The following LTBP4 variants were observed in gnomAD, a reference collection of about 807,000 sequenced individuals.
LTBP4 encodes the protein latent-transforming growth factor beta-binding protein 4.
Under a neutral mutation model 180.2 loss-of-function variants are expected in LTBP4, and 93 were observed. That is an observed-to-expected ratio of 0.52 (90% CI 0.44 to 0.61). The LOEUF (loss-of-function observed/expected upper bound fraction) is 0.61, where lower values mean the gene tolerates loss of function less well. Among genes scored for constraint, LTBP4 ranks in the 20% least tolerant of loss-of-function variants. The probability of loss-of-function intolerance (pLI) is 0.00; values close to 1 mark genes in which losing one functional copy is unlikely to be tolerated. For synonymous variants in LTBP4, 947 were observed against 934.5 expected (o/e 1.01, Z -0.24); for missense variants, 2,116 against 2,256.5 (o/e 0.94, Z 1.26).
chr19:40,599,328 CCCT>C, upstream of LTBP4: 1 of 1,610,712 alleles, frequency 6.2e-7, no homozygotes, highest in South Asian at 1.1e-5. Flanking sequence ...AGCTCCCCAT[CCCT>C]CCCCTCATCC....
chr19:40,614,041 G>C lies in LTBP4; in HGVS notation c.2680+3G>C. The C allele has an allele frequency of 1.2e-6, 2 of 1,611,774 alleles. No individual in the cohort carries two copies. Among genetic ancestry groups the C allele is most frequent in the Non-Finnish European group, 8.5e-7 (1 of 1,179,606 alleles). On this transcript the variant is annotated splice_donor_region_variant and intron_variant, in intron 18 of 29. Transcript: ENST00000396819. ...CCCGGACCTCGCCTCCTGCCTCGGT[G>C]AGAGGCCCCGCCCCGGCCTGATCCC...
At chr19:40,608,902 CAAAAAA>C (rs538438732) in intron 9 of LTBP4, 5 of 82,726 alleles carry the variant, frequency 6.0e-5, no homozygotes, top group East Asian at 3.3e-4. Context: ...CACTCCATCT[CAAAAAA>C]AAAAAAAAAA....
At chr19:40,600,432 C>T (rs2081415952), upstream of LTBP4, among the ~76,000 whole-genome samples, 1 of 152,174 alleles carries the variant, frequency 6.6e-6, no homozygotes, top group Non-Finnish European at 1.5e-5. The surrounding 1 kb of genome is among the most constrained non-coding windows in gnomAD (Gnocchi z 4.4). Context: ...TCCCCGCGGC[C>T]GAAGAGGGAG....
chr19:40,604,778 G>GGCTGCAGAGCCATAATCACGCT (rs2081446726), intron 1 of LTBP4, among the ~76,000 whole-genome samples: 1 of 152,178 alleles, frequency 6.6e-6, no homozygotes, highest in Non-Finnish European at 1.5e-5. Flanking sequence ...AGGAGGTCGA[G>GGCTGCAGAGCCATAATCACGCT]GCTGCAGAGC....
intron 26 of LTBP4, among the ~76,000 whole-genome samples, chr19:40,625,255 TATATATATATA>T (rs2081616593): frequency 1.0e-3 from 2 of 1,912 alleles, no homozygotes; most frequent in South Asian, 0.022. Context: ...TTTGTATTTA[TATATATATATA>T]TATATATATA....
Position 40,605,425 on chromosome 19 carries a change from G to C in LTBP4, c.463G>C (p.Val155Leu). ...CCTAGGCGTGGCATCTATGGTGAGC[G>C]TCCACGTGGAGCACCCGCAGGAGGC... ...DEHGVASMVS[V>L]HVEHPQEASV... The change falls in exon 3 of 30, where the codon GTC (valine) becomes CTC (leucine). Residue 155 changes from valine to leucine, a missense_variant. Physicochemically the swap from Val to Leu is conservative, Grantham distance 32. Around this residue, in one of 5 missense-constraint regions of LTBP4, gnomAD observed 469 missense variants for 532.5 expected, o/e 0.88. Transcript: ENST00000396819. This position sits in a 1 kb window ranked among gnomAD's most constrained non-coding sequence, Gnocchi z 5.5. 1 of 1,612,888 alleles carries C rather than the reference G, an allele frequency of 6.2e-7. No homozygotes were observed. The highest frequency in any genetic ancestry group is 8.5e-7 in the Non-Finnish European group (1 of 1,179,866).
Position 40,629,536 on chromosome 19 carries a change from C to A in LTBP4, c.4660C>A (p.Arg1554=). The A allele has an allele frequency of 1.3e-6, 2 of 1,544,038 alleles. No homozygotes were observed. Among genetic ancestry groups the A allele is most frequent in the Non-Finnish European group, 1.7e-6 (2 of 1,144,596 alleles). The change falls in exon 30 of 30, where the codon CGG becomes AGG. Residue 1554 remains arginine (R), a synonymous_variant. Transcript: ENST00000396819. The surrounding 1 kb of genome is among the most constrained non-coding windows in gnomAD (Gnocchi z 4.5). ...CCAGCCGCACCACTGTGCGCCCGCA[C>A]GGCCCCGGGCCTGAGCCCTGGCACC... ...THQPHHCAPA[R]PRA
In LTBP4 at chr19:40,621,223, G is replaced by A. The variant is rs113471298; in HGVS notation, c.3218-1178G>A. On this transcript the variant is annotated intron_variant, in intron 22 of 29. Transcript: ENST00000396819. ...TTCCCAAAGTGCAGGGATTACAGGC[G>A]TGAGCCACCATGCTCGGCCCAACAG... 9.3e-3 allele frequency among the ~76,000 whole-genome samples: 1,408 copies of A among 151,998 alleles called. 23 individuals carry two copies. Among genetic ancestry groups the A allele is most frequent in the African/African-American group, 0.032 (1,336 of 41,450 alleles).
At chr19:40,624,148 A>G in intron 26 of LTBP4, 66 bp downstream of exon 26, 2 of 1,453,834 alleles carry the variant, frequency 1.4e-6, no homozygotes, top group Non-Finnish European at 1.8e-6. Flanking sequence ...CACCCGGGCC[A>G]CACCTTTGCG....
chr19:40,605,245 G>C lies in LTBP4; in HGVS notation c.442+19G>C. 2 of 1,575,102 alleles carry C rather than the reference G, an allele frequency of 1.3e-6. No homozygotes were observed. The highest frequency in any genetic ancestry group is 1.7e-6 in the Non-Finnish European group (2 of 1,159,968). ...GAGCACGGTGAGGAAAGGGTGGCCA[G>C]AGTCCCCTCCGACCCCTGTCAAGCA... On this transcript the variant is annotated intron_variant, in intron 2 of 29. Coordinates refer to ENST00000396819, the MANE Select transcript of LTBP4 (RefSeq NM_001042545.2). The surrounding 1 kb of genome is among the most constrained non-coding windows in gnomAD (Gnocchi z 5.5).
chr19:40,620,580 A>G (rs1322642369), intron 22 of LTBP4, among the ~76,000 whole-genome samples: 1 of 151,996 alleles, frequency 6.6e-6, no homozygotes, highest in East Asian at 1.9e-4. Context: ...GTTCGAGACC[A>G]GCATGGCCAA....
rs1214683346 is a variant in LTBP4 at position 40,622,333 on chromosome 19, C to A, written c.3218-68C>A. 6.9e-7 allele frequency: 1 copy of A among 1,440,420 alleles called. No individual in the cohort carries two copies. Among genetic ancestry groups the A allele is most frequent in the Non-Finnish European group, 9.2e-7 (1 of 1,086,590 alleles). 89.2% of individuals were successfully genotyped at this position (1,440,420 alleles called of 1,614,324 possible). On this transcript the variant is annotated intron_variant, in intron 22 of 29. Coordinates refer to ENST00000396819, the MANE Select transcript of LTBP4 (RefSeq NM_001042545.2). This position sits in a 1 kb window ranked among gnomAD's most constrained non-coding sequence, Gnocchi z 5.1. ...TCCCTATCTATGCCAGCCTCAGTTT[C>A]CCCATCTATGATAGTGGCGGGGCTG...
chr19:40,606,519 C>A lies in LTBP4; in HGVS notation c.984C>A (p.Ser328Arg), dbSNP rs1290060412. The A allele has an allele frequency of 1.2e-5, 19 of 1,565,714 alleles. No homozygotes were observed. The highest frequency in any genetic ancestry group is 1.6e-5 in the Non-Finnish European group (19 of 1,156,374). The change falls in exon 6 of 30, where the codon AGC becomes AGA. Residue 328 changes from serine to arginine, a missense_variant. Physicochemically the swap from Ser to Arg is moderately radical, Grantham distance 110. Transcript: ENST00000396819. ...TTCTGCTCGACTCGTCCCGCAGCAGCTGCATCTGTGAGCAACCAGCAGGGA... is the reference window on the plus strand; with the variant it reads ...TTCTGCTCGACTCGTCCCGCAGCAGATGCATCTGTGAGCAACCAGCAGGGA... ...DGFLLDSSRS[S>R]CISQHVISEA...
In LTBP4 at chr19:40,601,613, C is replaced by T. The variant is rs1379502731; in HGVS notation, c.226C>T (p.Pro76Ser). Residue 76 changes from proline to serine, a missense_variant, in exon 1 of 30, where the codon CCG (proline) becomes TCG (serine). Around this residue, in one of 5 missense-constraint regions of LTBP4, gnomAD observed 469 missense variants for 532.5 expected, o/e 0.88. Transcript: ENST00000396819. The part of the protein sequence containing the change: ...VDSGAPGGAA[P>S]GGPGFRAFLC... The stretch of plus-strand genomic sequence containing the variant: ...CAGCGGCGCTCCCGGCGGGGCGGCC[C>T]CGGGGGGACCCGGCTTCCGCGCCTG... 1.5e-6 allele frequency: 2 copies of T among 1,378,158 alleles called. No individual in the cohort carries two copies. Among genetic ancestry groups the T allele is most frequent in the Admixed American group, 3.7e-5 (1 of 27,106 alleles). 85.4% of individuals were successfully genotyped at this position (1,378,158 alleles called of 1,614,324 possible).
chr19:40,625,614 C>T (rs1288978376), intron 26 of LTBP4, among the ~76,000 whole-genome samples: 2 of 152,146 alleles, frequency 1.3e-5, no homozygotes, highest in Non-Finnish European at 2.9e-5. Context: ...AGACCCCTCT[C>T]AGGCCCTACC....
In LTBP4 at chr19:40,609,819, C is replaced by T; in HGVS notation, c.1632C>T (p.Arg544=). 6.2e-7 allele frequency: 1 copy of T among 1,604,354 alleles called. No homozygotes were observed. The highest frequency in any genetic ancestry group is 1.3e-5 in the African/African-American group (1 of 74,820). The part of the protein sequence containing the change: ...GRCENSPGSF[R]CVCGPGFRAG... ...GCGAGAACTCACCAGGCAGCTTCCGCTGCGTGTGCGGCCCGGGCTTCCGAG... is the reference window on the plus strand; with the variant it reads ...GCGAGAACTCACCAGGCAGCTTCCGTTGCGTGTGCGGCCCGGGCTTCCGAG... The change falls in exon 11 of 30, where the codon CGC becomes CGT. Residue 544 remains arginine (R), a synonymous_variant. Transcript: ENST00000396819. This position sits in a 1 kb window ranked among gnomAD's most constrained non-coding sequence, Gnocchi z 4.9.
In LTBP4 at chr19:40,611,633, T is replaced by G. The variant is rs981483427; in HGVS notation, c.2054-226T>G. ...TGGGAACCCTGAGGAGGGGGTCACCTGAGGCAGGGCAGGCAACATGGAGTT... is the reference window on the plus strand; with the variant it reads ...TGGGAACCCTGAGGAGGGGGTCACCGGAGGCAGGGCAGGCAACATGGAGTT... On this transcript the variant is annotated intron_variant, in intron 13 of 29. Coordinates refer to ENST00000396819, the MANE Select transcript of LTBP4 (RefSeq NM_001042545.2). This position sits in a 1 kb window ranked among gnomAD's most constrained non-coding sequence, Gnocchi z 4.4. Among the ~76,000 whole-genome samples, 1 of 152,182 alleles carries G rather than the reference T, an allele frequency of 6.6e-6. No individual in the cohort carries two copies. The highest frequency in any genetic ancestry group is 1.5e-5 in the Non-Finnish European group (1 of 68,018).
chr19:40,613,647 G>C lies in LTBP4; in HGVS notation c.2557+118G>C. 1 of 1,481,800 alleles carries C rather than the reference G, an allele frequency of 6.7e-7. No homozygotes were observed. Among genetic ancestry groups the C allele is most frequent in the Non-Finnish European group, 9.1e-7 (1 of 1,098,406 alleles). The allele number at this position is 1,481,800 out of a possible 1,614,324, so 91.8% of individuals were successfully genotyped here. On this transcript the variant is annotated intron_variant, in intron 17 of 29. Coordinates refer to ENST00000396819, the MANE Select transcript of LTBP4 (RefSeq NM_001042545.2). The surrounding 1 kb of genome is among the most constrained non-coding windows in gnomAD (Gnocchi z 5.0). ...GTTTTTAGCCGGGGTATTCCAGCAG[G>C]ATCAGGGGGCAGCTGGTGGGAGTCT...
intron 27 of LTBP4, 150 bp from the exon 28 acceptor site, chr19:40,626,825 C>T: frequency 1.0e-6 from 1 of 954,308 alleles, no homozygotes; most frequent in Non-Finnish European, 1.4e-6. Context: ...CAGTCTCAGC[C>T]TTCAGATTCT....
Sources: gnomAD v4.1 joint callset for allele counts (sites outside exome capture counted in the v4.1 genomes callset) on GRCh38, gnomAD v4.1.1 for gene constraint, gnomAD v4.1.1 regional missense constraint, Gnocchi (gnomAD v3.1) non-coding constraint, MANE v1.5 for transcripts, NCBI Gene and HGNC (gene_info 2026-07-23, HGNC 2026-07-21) for gene names.